TNFRSF8: variants seen among roughly 807,000 people sequenced by gnomAD.
TNFRSF8 encodes TNF receptor superfamily member 8.
Under a neutral mutation model 70.8 loss-of-function variants are expected in TNFRSF8, and 26 were observed. That is an observed-to-expected ratio of 0.37 (90% confidence interval 0.27 to 0.51). The LOEUF (loss-of-function observed/expected upper bound fraction) is 0.51, where lower values mean the gene tolerates loss of function less well. TNFRSF8 is among the 20% of genes least tolerant of loss of function. TNFRSF8 has a pLI of 0.94. For synonymous variants in TNFRSF8, 356 were observed against 339.2 expected (o/e 1.05, Z -0.54); for missense variants, 720 against 807.9 (o/e 0.89, Z 1.32).
intron 14 of TNFRSF8, among the ~76,000 whole-genome samples, chr1:12,140,598 C>T (rs1198616117): frequency 2.0e-5 from 3 of 152,150 alleles, no homozygotes; most frequent in East Asian, 1.9e-4. Context: ...CCCTCATGGC[C>T]GGCTCTGAAG....
At chr1:12,083,898 T>C (rs527900519) in intron 1 of TNFRSF8, among the ~76,000 whole-genome samples, 1 of 152,232 alleles carries the variant, frequency 6.6e-6, no homozygotes, top group East Asian at 1.9e-4. Flanking sequence ...TCAACACTAA[T>C]AGAGCGATAG....
At chr1:12,090,951 T>G (rs1641239038) in intron 2 of TNFRSF8, among the ~76,000 whole-genome samples, 1 of 152,068 alleles carries the variant, frequency 6.6e-6, no homozygotes, top group African/African-American at 2.4e-5. Flanking sequence ...TAAAATAAGT[T>G]CACTAGGATA....
Position 12,109,904 on chromosome 1 carries a change from G to C in TNFRSF8, c.513-137G>C. The C allele has an allele frequency of 3.5e-6, 4 of 1,131,150 alleles. No individual in the cohort carries two copies. Among genetic ancestry groups the C allele is most frequent in the Non-Finnish European group, 5.1e-6 (4 of 789,746 alleles). The allele number at this position is 1,131,150 out of a possible 1,614,324, so 70.1% of individuals were successfully genotyped here. On this transcript the variant is annotated intron_variant, in intron 5 of 14. Coordinates refer to ENST00000263932, the MANE Select transcript of TNFRSF8 (RefSeq NM_001243.5). The surrounding 1 kb of genome is among the most constrained non-coding windows in gnomAD (Gnocchi z 4.4). ...TAGAAAACACAGGCCTTGCTCCCAG[G>C]AGCTTACAGTGGGCCCGCCAGAGGC...
Position 12,063,362 on chromosome 1 carries a change from C to T in TNFRSF8, c.-237C>T. On this transcript the variant is annotated 5_prime_UTR_variant, in exon 1 of 15. Transcript: ENST00000263932. This position sits in a 1 kb window ranked among gnomAD's most constrained non-coding sequence, Gnocchi z 7.2. ...TCTTCGCTGCTTGTAGCTAAGTGTTCCTGGAACCAATTTGATACGGGAGAA... is the reference window on the plus strand; with the variant it reads ...TCTTCGCTGCTTGTAGCTAAGTGTTTCTGGAACCAATTTGATACGGGAGAA... 1 of 391,340 alleles carries T rather than the reference C, an allele frequency of 2.6e-6. No homozygotes were observed. The highest frequency in any genetic ancestry group is 4.5e-6 in the Non-Finnish European group (1 of 222,030). The allele number at this position is 391,340 out of a possible 1,614,324, so 24.2% of individuals were successfully genotyped here. A position where few individuals can be genotyped will look rare whatever the true frequency, so the allele number is the denominator to read the frequency against.
chr1:12,133,088 A>G (rs1021412700), intron 12 of TNFRSF8, among the ~76,000 whole-genome samples: 6 of 152,092 alleles, frequency 3.9e-5, no homozygotes, highest in African/African-American at 1.4e-4. Flanking sequence ...TTTGAGGGTT[A>G]TTATAAACCC....
At chr1:12,104,350 C>T in intron 3 of TNFRSF8, 29 bp from the exon 4 acceptor site, 2 of 1,613,860 alleles carry the variant, frequency 1.2e-6, no homozygotes, top group South Asian at 1.1e-5. Context: ...CTTCTGTTCC[C>T]CTCTGTGACC....
At position 12,109,664 on chromosome 1, in the gene TNFRSF8, C is replaced by T; in HGVS notation, c.512+8C>T. The T allele has an allele frequency of 1.2e-6, 2 of 1,611,108 alleles. No homozygotes were observed. The highest frequency in any genetic ancestry group is 1.7e-6 in the Non-Finnish European group (2 of 1,177,812). ...CTGCAAGGAACCCTCCAGGTGACTC[C>T]CTGGCTTTGCCTCCTCCTCTTCCCC... On this transcript the variant is annotated splice_region_variant and intron_variant, in intron 5 of 14. Transcript: ENST00000263932. This position sits in a 1 kb window ranked among gnomAD's most constrained non-coding sequence, Gnocchi z 4.4.
At chr1:12,121,580 G>A (rs183166230) in intron 8 of TNFRSF8, among the ~76,000 whole-genome samples, 92 of 152,306 alleles carry the variant, frequency 6.0e-4, no homozygotes, top group Admixed American at 2.0e-3. Context: ...GCTGGAACTC[G>A]CCATCTCTGT....
At chr1:12,087,791 G>A (rs760978005) in intron 2 of TNFRSF8, among the ~76,000 whole-genome samples, 9 of 152,188 alleles carry the variant, frequency 5.9e-5, no homozygotes, top group Non-Finnish European at 1.0e-4. Context: ...AGAGAAAAAT[G>A]ACATCTCAGG....
chr1:12,121,802 T>C (rs1291381485), intron 8 of TNFRSF8, among the ~76,000 whole-genome samples: 1 of 152,236 alleles, frequency 6.6e-6, no homozygotes, highest in African/African-American at 2.4e-5. Flanking sequence ...GCCTTGTTCG[T>C]CATAGTTCAA....
rs1365971693 is a variant in TNFRSF8 at position 12,063,556 on chromosome 1, G to A, written c.-43G>A. On this transcript the variant is annotated 5_prime_UTR_variant, in exon 1 of 15. Transcript: ENST00000263932. The surrounding 1 kb of genome is among the most constrained non-coding windows in gnomAD (Gnocchi z 7.2). ...CGCCGCGCGCTTCCCCCGCTTCCCA[G>A]GTGGGCGCCGGCCGCCAGGCCACCT... 9 of 1,300,058 alleles carry A rather than the reference G, an allele frequency of 6.9e-6. No homozygotes were observed. In the East Asian group the frequency reaches 1.3e-4, roughly 18 times the overall value. 80.5% of individuals were successfully genotyped at this position (1,300,058 alleles called of 1,614,324 possible).
chr1:12,099,592 T>C (rs60478909), intron 3 of TNFRSF8, among the ~76,000 whole-genome samples: 67 of 152,184 alleles, frequency 4.4e-4, no homozygotes, highest in African/African-American at 1.6e-3. Context: ...TTACAATTTT[T>C]TTGTGTGTCT....
At chr1:12,136,003 T>C (rs1570085217) in intron 13 of TNFRSF8, among the ~76,000 whole-genome samples, 1 of 152,250 alleles carries the variant, frequency 6.6e-6, no homozygotes, top group East Asian at 1.9e-4. Context: ...TTTTCCCCTT[T>C]TCTTTACTCT....
chr1:12,071,013 T>A (rs1208093256), intron 1 of TNFRSF8, among the ~76,000 whole-genome samples: 1 of 152,000 alleles, frequency 6.6e-6, no homozygotes, highest in Non-Finnish European at 1.5e-5. Flanking sequence ...GGCCCCCACA[T>A]TATCTGTTCA....
chr1:12,138,153 A>T lies in TNFRSF8; in HGVS notation c.1336-76A>T. 1 of 1,501,534 alleles carries T rather than the reference A, an allele frequency of 6.7e-7. No individual in the cohort carries two copies. The highest frequency in any genetic ancestry group is 9.0e-7 in the Non-Finnish European group (1 of 1,111,374). 93.0% of individuals were successfully genotyped at this position (1,501,534 alleles called of 1,614,324 possible). ...ACTGGGGTCTGTAGAGATGAAAAAA[A>T]AAAGGGGCCTCCCAGTTCAGAGACT... On this transcript the variant is annotated intron_variant, in intron 13 of 14. Coordinates refer to ENST00000263932, the MANE Select transcript of TNFRSF8 (RefSeq NM_001243.5). The surrounding 1 kb of genome is among the most constrained non-coding windows in gnomAD (Gnocchi z 5.7).
intron 2 of TNFRSF8, among the ~76,000 whole-genome samples, chr1:12,086,338 G>C (rs1172554589): frequency 6.6e-6 from 1 of 152,202 alleles, no homozygotes; most frequent in Non-Finnish European, 1.5e-5. Context: ...CAAAAGTAGT[G>C]GGTTGGATGC....
At position 12,113,773 on chromosome 1, in the gene TNFRSF8, G is replaced by C. The variant is rs1449896768; in HGVS notation, c.793+1759G>C. Among the ~76,000 whole-genome samples, 2 of 151,138 alleles carry C rather than the reference G, an allele frequency of 1.3e-5. No homozygotes were observed. Among genetic ancestry groups the C allele is most frequent in the Non-Finnish European group, 3.0e-5 (2 of 67,500 alleles). On this transcript the variant is annotated intron_variant, in intron 7 of 14. Coordinates refer to ENST00000263932, the MANE Select transcript of TNFRSF8 (RefSeq NM_001243.5). This position sits in a 1 kb window ranked among gnomAD's most constrained non-coding sequence, Gnocchi z 4.9. ...AAAGAGAGAGAGAGAGACAGAAAGAGAGAGAGAGAGACAGACAGAGGCAGC... is the reference window on the plus strand; with the variant it reads ...AAAGAGAGAGAGAGAGACAGAAAGACAGAGAGAGAGACAGACAGAGGCAGC...
Position 12,088,042 on chromosome 1 carries a change from C to G in TNFRSF8, c.151+3491C>G, listed in dbSNP as rs1489003225. Among the ~76,000 whole-genome samples, 2 of 152,048 alleles carry G rather than the reference C, an allele frequency of 1.3e-5. No homozygotes were observed. Among genetic ancestry groups the G allele is most frequent in the Non-Finnish European group, 2.9e-5 (2 of 68,006 alleles). On this transcript the variant is annotated intron_variant, in intron 2 of 14. Coordinates refer to ENST00000263932, the MANE Select transcript of TNFRSF8 (RefSeq NM_001243.5). This position sits in a 1 kb window ranked among gnomAD's most constrained non-coding sequence, Gnocchi z 4.0. ...GGAAATTTCTTGACATTTTGCCTGC[C>G]CTGTGCAGCCAGCACTCAGCTGTGT... is the stretch of plus-strand genomic sequence containing the variant.
chr1:12,135,479 G>T, intron 12 of TNFRSF8, 109 bp from the exon 13 acceptor site: 4 of 1,416,228 alleles, frequency 2.8e-6, no homozygotes, highest in Non-Finnish European at 3.8e-6. Flanking sequence ...CCCCTGGGCT[G>T]AGTTCAGCAC....
Sources: gnomAD v4.1 joint callset for allele counts (sites outside exome capture counted in the v4.1 genomes callset) on GRCh38, gnomAD v4.1.1 for gene constraint, Gnocchi (gnomAD v3.1) non-coding constraint, MANE v1.5 for transcripts, NCBI Gene and HGNC (gene_info 2026-07-23, HGNC 2026-07-21) for gene names.